Variants in MLIP observed in about 807,000 individuals in gnomAD.
MLIP encodes muscular LMNA-interacting protein.
A neutral mutation model predicts 84.8 loss-of-function variants in MLIP; 79 were observed. The ratio of observed to expected loss-of-function variants is 0.93; its 90% CI spans 0.78 to 1.12. MLIP has a LOEUF of 1.12. Among genes scored for constraint, MLIP ranks in the 50% most tolerant of loss-of-function variants. The probability of loss-of-function intolerance (pLI) is 0.00; values close to 1 mark genes in which losing one functional copy is unlikely to be tolerated. For missense variants in MLIP, 1,257 were observed against 1,160.6 expected (o/e 1.08, Z -1.21); for synonymous variants, 504 against 463.0 (o/e 1.09, Z -1.14).
At chr6:54,229,901 G>A (rs566030132) in intron 11 of MLIP, among the ~76,000 whole-genome samples, 1 of 152,214 alleles carries the variant, frequency 6.6e-6, no homozygotes, top group East Asian at 1.9e-4. Context: ...ACATATACCT[G>A]TATGTAGGCC....
chr6:54,254,655 A>C (rs1282615738), intron 12 of MLIP, among the ~76,000 whole-genome samples: 1 of 152,040 alleles, frequency 6.6e-6, no homozygotes, highest in East Asian at 1.9e-4. Flanking sequence ...CCTGGAAAGT[A>C]GGAAGGCTAG....
intron 1 of MLIP, chr6:54,099,751 TTA>T (rs1768502155): frequency 6.6e-6 from 1 of 152,160 alleles, no homozygotes; most frequent in Admixed American, 6.5e-5. Context: ...CAAAAAGTAT[TTA>T]TGTTTTTAGA....
At chr6:54,129,623 G>C (rs1438293657) in intron 3 of MLIP, among the ~76,000 whole-genome samples, 1 of 152,158 alleles carries the variant, frequency 6.6e-6, no homozygotes, top group Admixed American at 6.5e-5. Flanking sequence ...GAGATTTAGA[G>C]GTTGAAAACC....
At position 54,087,346 on chromosome 6, in the gene MLIP, G is replaced by A. The variant is rs529982655; in HGVS notation, c.64-34101G>A. 7.2e-5 allele frequency among the ~76,000 whole-genome samples: 11 copies of A among 152,220 alleles called. No homozygotes were observed. In the East Asian group the frequency reaches 2.1e-3, roughly 29 times the overall value. On this transcript the variant is annotated intron_variant, in intron 1 of 12. Transcript: ENST00000274897. ...TTCACATTTATAGCAAATAGCCTTG[G>A]ATTCAGATTGTTTGTCTTTATCTAT...
intron 1 of MLIP, among the ~76,000 whole-genome samples, chr6:54,120,142 T>C (rs1770308048): frequency 6.6e-6 from 1 of 152,214 alleles, no homozygotes; most frequent in Non-Finnish European, 1.5e-5. Context: ...AAAAGAGAAA[T>C]CTACAGTACT....
chr6:54,204,869 C>T (rs1778930019), intron 11 of MLIP, among the ~76,000 whole-genome samples: 1 of 152,140 alleles, frequency 6.6e-6, no homozygotes, highest in African/African-American at 2.4e-5. Flanking sequence ...TTTCTTTCAA[C>T]CAATTTATCC....
chr6:54,208,735 G>T (rs1203316401), intron 11 of MLIP, among the ~76,000 whole-genome samples: 1 of 152,114 alleles, frequency 6.6e-6, no homozygotes. Flanking sequence ...CATACCTTTG[G>T]CATGTGGGTG....
chr6:54,249,366 A>C (rs1376393009), intron 12 of MLIP, among the ~76,000 whole-genome samples: 3 of 152,078 alleles, frequency 2.0e-5, no homozygotes, highest in Non-Finnish European at 4.4e-5. Flanking sequence ...TTGAATTCTA[A>C]AAATAAATAT....
chr6:54,098,329 T>TC, intron 1 of MLIP, among the ~76,000 whole-genome samples: 1 of 37,750 alleles, frequency 2.6e-5, no homozygotes, highest in East Asian at 6.8e-4. Flanking sequence ...TTTTTTAATT[T>TC]CTTTTTTTTT....
rs1766255105 is a variant in MLIP, at chr6:54,067,112, G to A, written c.63+48021G>A. On this transcript the variant is annotated intron_variant, in intron 1 of 12. Transcript: ENST00000274897. ...AACCTTATGAAATTCCAACATCTGT[G>A]TGGAAAACAAATACACTGTAATTTA... 2.0e-5 allele frequency among the ~76,000 whole-genome samples: 2 copies of A among 100,670 alleles called. 1 individual carries two copies. Among genetic ancestry groups the A allele is most frequent in the Non-Finnish European group, 5.7e-5 (2 of 35,004 alleles). The allele number at this position is 100,670 out of a possible 152,430, so 66.0% of individuals were successfully genotyped here. A position where few individuals can be genotyped will look rare whatever the true frequency, so the allele number is the denominator to read the frequency against.
intron 11 of MLIP, among the ~76,000 whole-genome samples, chr6:54,227,071 A>C (rs1015264242): frequency 6.6e-6 from 1 of 152,138 alleles, no homozygotes; most frequent in Admixed American, 6.5e-5. Context: ...TGCTGTTGTC[A>C]TGACAGTGAG....
chr6:54,080,160 A>T (rs1356162607), intron 1 of MLIP, among the ~76,000 whole-genome samples: 1 of 152,076 alleles, frequency 6.6e-6, no homozygotes, highest in Non-Finnish European at 1.5e-5. Flanking sequence ...TTCATTCAAC[A>T]GTCCTGACAA....
chr6:54,155,324 G>A (rs1476657223), intron 5 of MLIP, among the ~76,000 whole-genome samples: 2 of 151,918 alleles, frequency 1.3e-5, no homozygotes, highest in South Asian at 4.2e-4. Context: ...ATATTAGTCC[G>A]GTAAGTATTT....
chr6:54,217,842 T>C lies in MLIP; in HGVS notation c.2719-12872T>C. ...AAACTAAAACATTAAAAGATTCATATATTGCATGCTAAAGCAGGATAGAGT... is the reference window on the plus strand; with the variant it reads ...AAACTAAAACATTAAAAGATTCATACATTGCATGCTAAAGCAGGATAGAGT... On this transcript the variant is annotated intron_variant, in intron 11 of 13. Coordinates refer to ENST00000502396, the MANE Select transcript of MLIP (RefSeq NM_001281747.2). 4.1e-6 allele frequency: 4 copies of C among 985,232 alleles called. No homozygotes were observed. In the African/African-American group the frequency reaches 5.2e-5, roughly 13 times the overall value. The allele number at this position is 985,232 out of a possible 1,614,324, so 61.0% of individuals were successfully genotyped here. A position where few individuals can be genotyped will look rare whatever the true frequency, so the allele number is the denominator to read the frequency against.
At chr6:54,140,794 C>T (rs1772230230) in intron 4 of MLIP, among the ~76,000 whole-genome samples, 1 of 152,040 alleles carries the variant, frequency 6.6e-6, no homozygotes, top group South Asian at 2.1e-4. Context: ...TGATGTTTGG[C>T]TAGTGTTTAA....
intron 9 of MLIP, among the ~76,000 whole-genome samples, chr6:54,172,742 A>C (rs752518075): frequency 1.3e-4 from 19 of 151,528 alleles, no homozygotes; most frequent in Non-Finnish European, 2.7e-4. Context: ...AAAGAAAATC[A>C]ACTCAAAATA....
rs1230181903 is a variant in MLIP at position 54,257,295 on chromosome 6, C to T, written c.2923-13C>T. ...CTACTCCTGATCATATCCTGGGCAT[C>T]TTTTCTGTGAAGCTGAGTCATCCAA... On this transcript the variant is annotated splice_polypyrimidine_tract_variant and intron_variant, in intron 12 of 13. Transcript: ENST00000502396. 6.2e-7 allele frequency: 1 copy of T among 1,608,274 alleles called. No homozygotes were observed. Among genetic ancestry groups the T allele is most frequent in the East Asian group, 2.2e-5 (1 of 44,794 alleles).
intron 3 of MLIP, among the ~76,000 whole-genome samples, chr6:54,127,779 G>A (rs555085472): frequency 1.9e-3 from 282 of 152,056 alleles, no homozygotes; most frequent in Middle Eastern, 3.4e-3. Context: ...AGTATCTTAC[G>A]TTAAAAAAAT....
chr6:54,108,573 T>G (rs1450776645), upstream of MLIP, among the ~76,000 whole-genome samples: 1 of 152,220 alleles, frequency 6.6e-6, no homozygotes, highest in Non-Finnish European at 1.5e-5. Context: ...GTGAAAATTA[T>G]GACTTCTAGT....
Sources: allele counts gnomAD v4.1 joint callset (sites outside exome capture counted in the v4.1 genomes callset), GRCh38; gene constraint gnomAD v4.1.1; transcripts MANE v1.5; gene names NCBI Gene and HGNC (gene_info 2026-07-23, HGNC 2026-07-21).